The following FBXO31 variants were observed in gnomAD, a reference collection of about 807,000 sequenced individuals.
FBXO31 encodes F-box only protein 31.
In FBXO31, 24 loss-of-function variants were observed where a neutral mutation model predicts 54.4. The observed-to-expected ratio is 0.44, with a 90% CI of 0.32 to 0.62. The LOEUF (loss-of-function observed/expected upper bound fraction) is 0.62, where lower values mean the gene tolerates loss of function less well. Ranked by LOEUF, FBXO31 falls within the 20% of genes least tolerant of loss-of-function variation. The pLI, the probability that FBXO31 is intolerant of heterozygous loss-of-function variation, is 0.05. For synonymous variants in FBXO31, 388 were observed against 335.6 expected, an observed-to-expected ratio of 1.16 and a Z score of -1.71; for missense variants, 665 against 787.1, an observed-to-expected ratio of 0.84 and a Z score of 1.86.
chr16:87,331,432 A>G lies in FBXO31; in HGVS notation c.1476T>C (p.Asp492=), dbSNP rs762318247. 6 of 1,613,750 alleles carry G rather than the reference A, an allele frequency of 3.7e-6. No homozygotes were observed. The highest frequency in any genetic ancestry group is 5.1e-6 in the Non-Finnish European group (6 of 1,179,958). Residue 492 remains aspartate (D), a synonymous_variant, in exon 9 of 9, where the codon GAT becomes GAC. Coordinates refer to ENST00000311635, the MANE Select transcript of FBXO31 (RefSeq NM_024735.5). Reference sequence around the variant, plus strand: ...GCCAGACGAACCCGAAGCGGTCCTCATCGAAGAGGATGAAGACCCCGGGGG... The same window carrying G: ...GCCAGACGAACCCGAAGCGGTCCTCGTCGAAGAGGATGAAGACCCCGGGGG... ...ERTPGVFILF[D]EDRFGFVWLE...
At chr16:87,348,093 G>A (rs1012738948) in intron 2 of FBXO31, among the ~76,000 whole-genome samples, 1 of 152,104 alleles carries the variant, frequency 6.6e-6, no homozygotes, top group Non-Finnish European at 1.5e-5. Context: ...CATGGGGTAT[G>A]GGCCACTGCA....
At chr16:87,351,806 T>C (rs1597367996) in intron 2 of FBXO31, among the ~76,000 whole-genome samples, 2 of 151,248 alleles carry the variant, frequency 1.3e-5, no homozygotes, top group East Asian at 3.9e-4. Context: ...GAGGCGGAGG[T>C]TGAAGTGAGC....
At chr16:87,386,527 G>C (rs1907333808), upstream of FBXO31, among the ~76,000 whole-genome samples, 1 of 152,214 alleles carries the variant, frequency 6.6e-6, no homozygotes, top group South Asian at 2.1e-4. Flanking sequence ...CCGCCTCCCG[G>C]GTTCAAGCTA....
chr16:87,341,592 G>A (rs1357865912), intron 5 of FBXO31, among the ~76,000 whole-genome samples: 1 of 136,092 alleles, frequency 7.3e-6, no homozygotes, highest in Non-Finnish European at 1.5e-5. Flanking sequence ...GAAGGCGGAA[G>A]TTGCAGTGAG....
rs1567479297 is a variant in FBXO31, at chr16:87,358,358, G to C, written c.412+1937C>G. ...TGAATCAGAGGGCCCTCCCCATGCA[G>C]TTCTTGGCCGTGCTGGCTGCCGCAG... On this transcript the variant is annotated intron_variant, in intron 2 of 8. Coordinates refer to ENST00000311635, the MANE Select transcript of FBXO31 (RefSeq NM_024735.5). The surrounding 1 kb of genome is among the most constrained non-coding windows in gnomAD (Gnocchi z 4.0). 1 of 152,684 alleles carries C rather than the reference G, an allele frequency of 6.5e-6. No individual in the cohort carries two copies. Among genetic ancestry groups the C allele is most frequent in the African/African-American group, 2.4e-5 (1 of 41,466 alleles). The allele number at this position is 152,684 out of a possible 1,614,324, so 9.5% of individuals were successfully genotyped here.
chr16:87,372,942 C>G (rs577201338), intron 1 of FBXO31, among the ~76,000 whole-genome samples: 1 of 151,400 alleles, frequency 6.6e-6, no homozygotes, highest in African/African-American at 2.4e-5. Flanking sequence ...ACCATATTGA[C>G]CAGGCTGGTC....
Position 87,335,492 on chromosome 16 carries a change from C to T in FBXO31, c.843-35G>A, listed in dbSNP as rs773246819. The T allele has an allele frequency of 1.2e-5, 16 of 1,358,512 alleles. No homozygotes were observed. The highest frequency in any genetic ancestry group is 5.8e-5 in the Admixed American group (3 of 51,478). The allele number at this position is 1,358,512 out of a possible 1,614,324, so 84.2% of individuals were successfully genotyped here. A position where few individuals can be genotyped will look rare whatever the true frequency, so the allele number is the denominator to read the frequency against. ...GCGGACGGGTCAGTACAGGAGACCT[C>T]GTGGGGCAGGCAGGACTGAGAACGC... On this transcript the variant is annotated intron_variant, in intron 6 of 8. Coordinates refer to ENST00000311635, the MANE Select transcript of FBXO31 (RefSeq NM_024735.5). This position sits in a 1 kb window ranked among gnomAD's most constrained non-coding sequence, Gnocchi z 5.7.
At chr16:87,337,650 C>A (rs757876942) in intron 5 of FBXO31, among the ~76,000 whole-genome samples, 1 of 152,138 alleles carries the variant, frequency 6.6e-6, no homozygotes, top group Non-Finnish European at 1.5e-5. Context: ...AGCGGAGGTG[C>A]CCACACCTGC....
rs1256434792 is a variant in FBXO31, at chr16:87,328,687, T to C, written c.*2601A>G. Reference sequence around the variant, plus strand: ...TCCAAACAAGTGACAAAGAACACGTTCAGGTGTGCAGAGCTGCACTGCAGG... The same window carrying C: ...TCCAAACAAGTGACAAAGAACACGTCCAGGTGTGCAGAGCTGCACTGCAGG... On this transcript the variant is annotated 3_prime_UTR_variant, in exon 9 of 9. Coordinates refer to ENST00000311635, the MANE Select transcript of FBXO31 (RefSeq NM_024735.5). 6.6e-6 allele frequency: 1 copy of C among 152,246 alleles called. No homozygotes were observed. Among genetic ancestry groups the C allele is most frequent in the Non-Finnish European group, 1.5e-5 (1 of 68,056 alleles). The allele number at this position is 152,246 out of a possible 1,614,324, so 9.4% of individuals were successfully genotyped here.
rs943437974 is a variant in FBXO31 at position 87,377,255 on chromosome 16, G to C, written c.340+6150C>G. 3.3e-5 allele frequency among the ~76,000 whole-genome samples: 5 copies of C among 152,118 alleles called. No individual in the cohort carries two copies. The East Asian group carries it at 7.7e-4, about 23-fold the overall frequency. On this transcript the variant is annotated intron_variant, in intron 1 of 8. Coordinates refer to ENST00000311635, the MANE Select transcript of FBXO31 (RefSeq NM_024735.5). ...AGCCCAGGAGTTCCAGACCAGCCTG[G>C]GCAACGTGGTAAAAATCTGTCTCTA...
intron 1 of FBXO31, among the ~76,000 whole-genome samples, chr16:87,374,945 G>A (rs144085421): frequency 9.8e-5 from 15 of 152,354 alleles, no homozygotes; most frequent in African/African-American, 2.6e-4. Flanking sequence ...CACTTTGAGA[G>A]GCCGGGGTGG....
At position 87,338,464 on chromosome 16, in the gene FBXO31, G is replaced by A. The variant is rs1408767834; in HGVS notation, c.733-2200C>T. Among the ~76,000 whole-genome samples, 1 of 137,284 alleles carries A rather than the reference G, an allele frequency of 7.3e-6. No homozygotes were observed. Among genetic ancestry groups the A allele is most frequent in the African/African-American group, 2.8e-5 (1 of 36,024 alleles). The allele number at this position is 137,284 out of a possible 152,430, so 90.1% of individuals were successfully genotyped here. A position where few individuals can be genotyped will look rare whatever the true frequency, so the allele number is the denominator to read the frequency against. On this transcript the variant is annotated intron_variant, in intron 5 of 8. Transcript: ENST00000311635. This position sits in a 1 kb window ranked among gnomAD's most constrained non-coding sequence, Gnocchi z 4.3. ...AGATTTCCAAAAGCCTCAGTCTTGG[G>A]GCGGGGGAGGCGGGCCTGAAACACA...
At position 87,344,809 on chromosome 16, in the gene FBXO31, A is replaced by G. The variant is rs548338414; in HGVS notation, c.490-1044T>C. 5.6e-3 allele frequency among the ~76,000 whole-genome samples: 846 copies of G among 152,328 alleles called. 5 individuals carry two copies. Among genetic ancestry groups the G allele is most frequent in the Non-Finnish European group, 9.0e-3 (611 of 68,028 alleles). On this transcript the variant is annotated intron_variant, in intron 3 of 8. Coordinates refer to ENST00000311635, the MANE Select transcript of FBXO31 (RefSeq NM_024735.5). Reference sequence around the variant, plus strand: ...ACGCGACGCCCAACACAACAAACGCAGAGCGGGTTTCTCCACAGCGGCTCC... The same window carrying G: ...ACGCGACGCCCAACACAACAAACGCGGAGCGGGTTTCTCCACAGCGGCTCC...
At chr16:87,388,529 GGAGGCCT>G (rs1427072693), upstream of FBXO31, among the ~76,000 whole-genome samples, 2 of 152,240 alleles carry the variant, frequency 1.3e-5, no homozygotes, top group Non-Finnish European at 2.9e-5. Flanking sequence ...GAGAGGCCGA[GGAGGCCT>G]GAGGCCTGGA....
chr16:87,347,151 C>A (rs375312346), intron 3 of FBXO31, 23 bp downstream of exon 3: 37 of 1,610,670 alleles, frequency 2.3e-5, no homozygotes, highest in Non-Finnish European at 3.1e-5. Context: ...GCACAGACCT[C>A]GTCGCGAGGC....
chr16:87,328,317 C>G lies in FBXO31; in HGVS notation c.*2971G>C, dbSNP rs117987377. ...GTGGCTAGAGGAAGGACATGGCCACCCACCCCTCCCTCCTCGTGTGCCAGG... is the reference window on the plus strand; with the variant it reads ...GTGGCTAGAGGAAGGACATGGCCACGCACCCCTCCCTCCTCGTGTGCCAGG... On this transcript the variant is annotated 3_prime_UTR_variant, in exon 9 of 9. Transcript: ENST00000311635. 0.013 allele frequency: 1,919 copies of G among 152,638 alleles called. 14 individuals carry two copies. Among genetic ancestry groups the G allele is most frequent in the Non-Finnish European group, 0.02 (1,348 of 68,278 alleles). 9.5% of individuals were successfully genotyped at this position (152,638 alleles called of 1,614,324 possible).
intron 1 of FBXO31, among the ~76,000 whole-genome samples, chr16:87,369,848 AAAAT>A (rs199600947): frequency 2.6e-5 from 4 of 152,144 alleles, no homozygotes; most frequent in African/African-American, 4.8e-5. Context: ...CTCCGTCTCA[AAAAT>A]AAATAAATAA....
upstream of FBXO31, among the ~76,000 whole-genome samples, chr16:87,388,426 G>A (rs1232595162): frequency 1.3e-5 from 2 of 152,214 alleles, no homozygotes; most frequent in African/African-American, 2.4e-5. Context: ...AGAGCAAAGC[G>A]ATGACACCAC....
intron 8 of FBXO31, 58 bp from the exon 9 acceptor site, chr16:87,331,568 C>A: frequency 7.1e-7 from 1 of 1,400,018 alleles, no homozygotes; most frequent in South Asian, 1.3e-5. Context: ...AAATGCACGC[C>A]ACGTACAGCA....
Sources: allele counts gnomAD v4.1 joint callset (sites outside exome capture counted in the v4.1 genomes callset), GRCh38; gene constraint gnomAD v4.1.1; non-coding constraint Gnocchi (gnomAD v3.1); transcripts MANE v1.5; gene names NCBI Gene and HGNC (gene_info 2026-07-23, HGNC 2026-07-21).